Variants in PTPRD observed in about 807,000 individuals in gnomAD.
The protein encoded by PTPRD is receptor-type tyrosine-protein phosphatase delta.
PTPRD carries 34 observed loss-of-function variants against 214.5 expected under a neutral mutation model. The observed-to-expected ratio is 0.16, with a 90% CI of 0.12 to 0.21. The LOEUF (loss-of-function observed/expected upper bound fraction) is 0.21. Ranked by LOEUF, PTPRD falls within the 10% of genes least tolerant of loss-of-function variation. The pLI is 1.00. For synonymous variants in PTPRD, 1,128 were observed against 845.7 expected (o/e 1.33, Z -5.79); for missense variants, 2,545 against 2,398.7 (o/e 1.06, Z -1.27).
chr9:10,346,256 C>T (rs73644424), intron 2 of PTPRD, among the ~76,000 whole-genome samples: 1,815 of 152,164 alleles, frequency 0.012, 43 homozygotes, highest in African/African-American at 0.041. Flanking sequence ...ACCTGTGTTC[C>T]TTGAAAGCAA....
At chr9:9,777,460 C>G (rs539580732) in intron 5 of PTPRD, among the ~76,000 whole-genome samples, 9 of 151,898 alleles carry the variant, frequency 5.9e-5, no homozygotes, top group Non-Finnish European at 1.3e-4. Flanking sequence ...TTTGGGAGGC[C>G]GAGGTAGGTG....
chr9:8,896,259 G>T (rs1289215591), intron 11 of PTPRD, among the ~76,000 whole-genome samples: 1 of 152,180 alleles, frequency 6.6e-6, no homozygotes, highest in Non-Finnish European at 1.5e-5. Flanking sequence ...TCTGTTAATT[G>T]AACTACTTTC....
chr9:8,379,149 T>G (rs1446155157), intron 37 of PTPRD, among the ~76,000 whole-genome samples: 1 of 152,150 alleles, frequency 6.6e-6, no homozygotes, highest in Non-Finnish European at 1.5e-5. Flanking sequence ...AGAGGCAATT[T>G]TTTAAAGCGG....
intron 9 of PTPRD, among the ~76,000 whole-genome samples, chr9:9,282,578 T>C (rs1347684806): frequency 6.6e-6 from 1 of 151,378 alleles, no homozygotes; most frequent in African/African-American, 2.4e-5. Flanking sequence ...ACTGCATAAA[T>C]GACCCCACAG....
At chr9:10,088,035 A>C (rs1162170105) in intron 3 of PTPRD, among the ~76,000 whole-genome samples, 1 of 151,746 alleles carries the variant, frequency 6.6e-6, no homozygotes, top group East Asian at 1.9e-4. Flanking sequence ...TTACTTTATG[A>C]CAGTACAACT....
At position 10,406,433 on chromosome 9, in the gene PTPRD, T is replaced by C. The variant is rs186325846; in HGVS notation, c.-599-65416A>G. Among the ~76,000 whole-genome samples the C allele has an allele frequency of 8.6e-5, 13 of 151,630 alleles. No individual in the cohort carries two copies. In the East Asian group the frequency reaches 2.4e-3, roughly 27 times the overall value. On this transcript the variant is annotated intron_variant, in intron 2 of 45. Coordinates refer to ENST00000381196, the MANE Select transcript of PTPRD (RefSeq NM_002839.4). ...GTCTACACAGATTTCATAGTATTCATTTGCGTAAAGAAAAAAGTGAACTGT... is the reference window on the plus strand; with the variant it reads ...GTCTACACAGATTTCATAGTATTCACTTGCGTAAAGAAAAAAGTGAACTGT...
At chr9:9,563,379 C>A (rs1324004106) in intron 8 of PTPRD, among the ~76,000 whole-genome samples, 1 of 152,108 alleles carries the variant, frequency 6.6e-6, no homozygotes, top group African/African-American at 2.4e-5. Context: ...TTTTTAATTA[C>A]CTTATTGTCA....
intron 6 of PTPRD, among the ~76,000 whole-genome samples, chr9:9,739,219 C>T (rs2098357174): frequency 6.6e-6 from 1 of 152,174 alleles, no homozygotes; most frequent in South Asian, 2.1e-4. Flanking sequence ...AAATACAACA[C>T]TGAATACAAG....
At chr9:9,074,453 A>T (rs992490215) in intron 10 of PTPRD, among the ~76,000 whole-genome samples, 3 of 152,112 alleles carry the variant, frequency 2.0e-5, no homozygotes, top group African/African-American at 7.2e-5. Context: ...TGACACTGGG[A>T]TTATTGTAGA....
intron 11 of PTPRD, among the ~76,000 whole-genome samples, chr9:8,933,721 T>A (rs961727711): frequency 4.6e-5 from 7 of 152,144 alleles, no homozygotes; most frequent in Non-Finnish European, 1.0e-4. Flanking sequence ...CAAGTCTATT[T>A]TGGGGTTCAA....
intron 5 of PTPRD, among the ~76,000 whole-genome samples, chr9:9,919,789 C>T (rs1414826267): frequency 6.6e-6 from 1 of 152,108 alleles, no homozygotes; most frequent in South Asian, 2.1e-4. Flanking sequence ...CTGAGTGAGC[C>T]TCAGTCTTCG....
chr9:8,718,131 C>A (rs2098455918), intron 12 of PTPRD, among the ~76,000 whole-genome samples: 1 of 152,098 alleles, frequency 6.6e-6, no homozygotes, highest in African/African-American at 2.4e-5. Context: ...GCTTGTAAAG[C>A]TGGAAAATCA....
At position 8,921,012 on chromosome 9, in the gene PTPRD, C is replaced by T. The variant is rs147755678; in HGVS notation, c.-104+97685G>A. On this transcript the variant is annotated intron_variant, in intron 11 of 45. Coordinates refer to ENST00000381196, the MANE Select transcript of PTPRD (RefSeq NM_002839.4). Reference sequence around the variant, plus strand: ...TATTTTTAGTCGAGACAGGGTATCACCATGTTGGCCAGGCTGGTCTTGAAT... The same window carrying T: ...TATTTTTAGTCGAGACAGGGTATCATCATGTTGGCCAGGCTGGTCTTGAAT... 2.1e-3 allele frequency among the ~76,000 whole-genome samples: 323 copies of T among 152,238 alleles called. 1 individual carries two copies. Among genetic ancestry groups the T allele is most frequent in the African/African-American group, 7.6e-3 (314 of 41,528 alleles).
chr9:8,879,753 A>G (rs1342845960), intron 11 of PTPRD, among the ~76,000 whole-genome samples: 1 of 152,202 alleles, frequency 6.6e-6, no homozygotes, highest in African/African-American at 2.4e-5. Context: ...AAAGCTCATT[A>G]GGGTTTGCCT....
chr9:9,859,114 C>T (rs2062141646), intron 5 of PTPRD, among the ~76,000 whole-genome samples: 1 of 152,142 alleles, frequency 6.6e-6, no homozygotes, highest in African/African-American at 2.4e-5. Flanking sequence ...CAGCACTCCC[C>T]CATGCTCACA....
chr9:9,868,014 G>A (rs1475071965), intron 5 of PTPRD, among the ~76,000 whole-genome samples: 3 of 152,104 alleles, frequency 2.0e-5, no homozygotes, highest in East Asian at 1.9e-4. Context: ...AAGGTCAGGG[G>A]AGTATAAAGG....
chr9:8,722,045 G>T (rs1178551344), intron 12 of PTPRD, among the ~76,000 whole-genome samples: 1 of 151,966 alleles, frequency 6.6e-6, no homozygotes, highest in Non-Finnish European at 1.5e-5. Flanking sequence ...TTCCTGAGTA[G>T]AATTCCTTGA....
At chr9:8,595,519 T>A (rs1025983697) in intron 14 of PTPRD, among the ~76,000 whole-genome samples, 2 of 152,186 alleles carry the variant, frequency 1.3e-5, no homozygotes, top group East Asian at 3.8e-4. Flanking sequence ...ACTTTATATA[T>A]GTATGTATAG....
chr9:9,413,895 A>C (rs1663640928), intron 8 of PTPRD, among the ~76,000 whole-genome samples: 1 of 152,234 alleles, frequency 6.6e-6, no homozygotes, highest in Non-Finnish European at 1.5e-5. Context: ...TTTACATGTA[A>C]TACATAATTA....
Sources: gnomAD v4.1 joint callset for allele counts (sites outside exome capture counted in the v4.1 genomes callset) on GRCh38, gnomAD v4.1.1 for gene constraint, MANE v1.5 for transcripts, NCBI Gene and HGNC (gene_info 2026-07-23, HGNC 2026-07-21) for gene names.